The following PIK3AP1 variants were observed in gnomAD, a reference collection of about 807,000 sequenced individuals.
PIK3AP1 encodes phosphoinositide-3-kinase adaptor protein 1.
Under a neutral mutation model 88.1 loss-of-function variants are expected in PIK3AP1, and 21 were observed. The observed-to-expected ratio is 0.24, with a 90% CI of 0.17 to 0.34. PIK3AP1 has a LOEUF of 0.34. Among genes scored for constraint, PIK3AP1 ranks in the 10% least tolerant of loss-of-function variants. The pLI, the probability that PIK3AP1 is intolerant of heterozygous loss-of-function variation, is 1.00. For missense variants in PIK3AP1, 828 were observed against 1,035.7 expected, an observed-to-expected ratio of 0.80 and a Z score of 2.75; for synonymous variants, 398 against 400.0, an observed-to-expected ratio of 1.00 and a Z score of 0.06.
intron 6 of PIK3AP1, 144 bp from the exon 7 acceptor site, chr10:96,648,999 A>C: frequency 1.6e-6 from 1 of 640,502 alleles, no homozygotes. Context: ...CTAACATCTA[A>C]CAGCTTCCTT....
At position 96,609,797 on chromosome 10, in the gene PIK3AP1, C is replaced by T; in HGVS notation, c.2085G>A (p.Glu695=). 6.2e-7 allele frequency: 1 copy of T among 1,614,146 alleles called. No homozygotes were observed. Among genetic ancestry groups the T allele is most frequent in the Non-Finnish European group, 8.5e-7 (1 of 1,179,994 alleles). The change falls in exon 14 of 17, where the codon GAG becomes GAA. Residue 695 remains glutamate, a synonymous_variant. Transcript: ENST00000339364. ...GAATGACACTTTTCCTGGGGCCACT[C>T]TCATAGACTCCAAACTCCACTTTTG... ...LPAKVEFGVY[E]SGPRKSVIPP...
chr10:96,706,733 T>C (rs1371290800), intron 2 of PIK3AP1, among the ~76,000 whole-genome samples: 2 of 152,174 alleles, frequency 1.3e-5, no homozygotes, highest in African/African-American at 2.4e-5. Context: ...ATGCTCTTTT[T>C]TCTACACTGC....
intron 13 of PIK3AP1, among the ~76,000 whole-genome samples, chr10:96,611,345 G>C (rs1267166374): frequency 6.6e-6 from 1 of 152,142 alleles, no homozygotes; most frequent in African/African-American, 2.4e-5. Context: ...ACCTACCCCA[G>C]CTTGGAGCTA....
At chr10:96,597,187 A>C (rs1380194268) in intron 16 of PIK3AP1, among the ~76,000 whole-genome samples, 1 of 151,754 alleles carries the variant, frequency 6.6e-6, no homozygotes. Flanking sequence ...GTTATAGGAG[A>C]AAGCCAAAGG....
At chr10:96,688,886 AC>A (rs1290409919) in intron 2 of PIK3AP1, among the ~76,000 whole-genome samples, 10 of 151,552 alleles carry the variant, frequency 6.6e-5, no homozygotes, top group African/African-American at 2.2e-4. Context: ...AATACGCATT[AC>A]CCCCACCCCC....
At chr10:96,686,148 A>ATAATGTAGG (rs1844065010) in intron 2 of PIK3AP1, among the ~76,000 whole-genome samples, 1 of 152,226 alleles carries the variant, frequency 6.6e-6, no homozygotes, top group Non-Finnish European at 1.5e-5. Context: ...TAGGCAGTCA[A>ATAATGTAGG]CGCATATTTT....
chr10:96,626,557 C>T, intron 10 of PIK3AP1, 151 bp downstream of exon 10: 1 of 835,372 alleles, frequency 1.2e-6, no homozygotes, highest in East Asian at 2.7e-5. Context: ...CAGAATCTGT[C>T]CCAAGATATG....
chr10:96,629,930 A>AAAAAAAAAAAAAAAAAAAAAGAAG (rs776780994), intron 8 of PIK3AP1, among the ~76,000 whole-genome samples: 10 of 13,718 alleles, frequency 7.3e-4, no homozygotes, highest in Admixed American at 1.2e-3. Flanking sequence ...AAAAAAAAAA[A>AAAAAAAAAAAAAAAAAAAAAGAAG]AAGAAGAAGA....
At chr10:96,595,738 A>G in intron 16 of PIK3AP1, 104 bp from the exon 17 acceptor site, 1 of 1,076,894 alleles carries the variant, frequency 9.3e-7, no homozygotes, top group Non-Finnish European at 1.4e-6. Context: ...CAAAGGACAC[A>G]ATCCTCAATG....
At chr10:96,629,909 CAAAAAAAA>C (rs66669261) in intron 8 of PIK3AP1, among the ~76,000 whole-genome samples, 2 of 5,416 alleles carry the variant, frequency 3.7e-4, no homozygotes, top group Non-Finnish European at 1.6e-3. Context: ...CAACAACAAC[CAAAAAAAA>C]AAAAAAAAAA....
intron 3 of PIK3AP1, among the ~76,000 whole-genome samples, chr10:96,656,248 T>C (rs1843613470): frequency 6.6e-6 from 1 of 152,244 alleles, no homozygotes. Flanking sequence ...AGTTGGGCCC[T>C]CACACTCAAG....
intron 2 of PIK3AP1, among the ~76,000 whole-genome samples, chr10:96,684,267 C>T (rs74153709): frequency 0.012 from 1,861 of 152,256 alleles, 51 homozygotes; most frequent in African/African-American, 0.042. Context: ...AAATAGTTGC[C>T]AAAGTATCTT....
intron 1 of PIK3AP1, among the ~76,000 whole-genome samples, chr10:96,713,436 G>A (rs999013050): frequency 2.7e-5 from 4 of 150,488 alleles, no homozygotes; most frequent in African/African-American, 9.8e-5. Flanking sequence ...CCTGGGAGGC[G>A]GAGCTTGCAG....
intron 2 of PIK3AP1, among the ~76,000 whole-genome samples, chr10:96,700,047 T>C (rs1397458506): frequency 1.3e-5 from 2 of 152,150 alleles, no homozygotes; most frequent in Non-Finnish European, 2.9e-5. Flanking sequence ...CATTCTGGCA[T>C]ACATTAGAAA....
Position 96,672,038 on chromosome 10 carries a change from C to G in PIK3AP1, c.431-15104G>C, listed in dbSNP as rs79303976. Among the ~76,000 whole-genome samples the G allele has an allele frequency of 4.0e-5, 6 of 151,712 alleles. No homozygotes were observed. In the East Asian group the frequency reaches 1.2e-3, roughly 29 times the overall value. ...TGGGAAACAAAGTGACACCCTGTCTCAAAAAACAAAGAAAAAAAAATACAG... is the reference window on the plus strand; with the variant it reads ...TGGGAAACAAAGTGACACCCTGTCTGAAAAAACAAAGAAAAAAAAATACAG... On this transcript the variant is annotated intron_variant, in intron 2 of 16. Transcript: ENST00000339364.
At chr10:96,615,005 G>A (rs1849190729) in intron 13 of PIK3AP1, among the ~76,000 whole-genome samples, 1 of 152,188 alleles carries the variant, frequency 6.6e-6, no homozygotes, top group Admixed American at 6.5e-5. Context: ...AAAGTGAGTC[G>A]TGGAGGGCTA....
chr10:96,717,120 T>C (rs1748372088), intron 1 of PIK3AP1, among the ~76,000 whole-genome samples: 1 of 151,962 alleles, frequency 6.6e-6, no homozygotes, highest in Non-Finnish European at 1.5e-5. Context: ...TAGCTGAGTA[T>C]GGTGGTGGGC....
chr10:96,710,115 A>G, intron 1 of PIK3AP1, 132 bp from the exon 2 acceptor site: 1 of 751,460 alleles, frequency 1.3e-6, no homozygotes, highest in East Asian at 2.7e-5. Context: ...CCTCCAGCAC[A>G]CCAGCACACC....
chr10:96,628,867 T>TATATACATATATATACACACACAC (rs1843189690), intron 8 of PIK3AP1, among the ~76,000 whole-genome samples: 2 of 15,068 alleles, frequency 1.3e-4, no homozygotes, highest in East Asian at 0.016. Flanking sequence ...CACACACACA[T>TATATACATATATATACACACACAC]ATATACACAT....
Sources: allele counts gnomAD v4.1 joint callset (sites outside exome capture counted in the v4.1 genomes callset), GRCh38; gene constraint gnomAD v4.1.1; transcripts MANE v1.5; gene names NCBI Gene and HGNC (gene_info 2026-07-23, HGNC 2026-07-21).